The following SYT16 variants were observed in gnomAD, a reference collection of about 807,000 sequenced individuals.
The protein encoded by SYT16 is synaptotagmin-16.
In SYT16, 42 loss-of-function variants were observed where a neutral mutation model predicts 61.4. The ratio of observed to expected loss-of-function variants is 0.68; its 90% CI spans 0.53 to 0.89. SYT16 has a LOEUF of 0.89. Ranked by LOEUF, SYT16 falls within the 40% of genes least tolerant of loss-of-function variation. SYT16 has a pLI of 0.00. For missense variants in SYT16, 804 were observed against 807.3 expected, an observed-to-expected ratio of 1.00 and a Z score of 0.05; for synonymous variants, 314 against 302.3, an observed-to-expected ratio of 1.04 and a Z score of -0.40.
intron 1 of SYT16, among the ~76,000 whole-genome samples, chr14:61,839,313 C>T (rs952931081): frequency 1.3e-5 from 2 of 152,198 alleles, no homozygotes; most frequent in African/African-American, 2.4e-5. Context: ...TGTGAGGACA[C>T]ATCAAGAAGG....
chr14:61,942,863 A>G (rs2050260782), intron 1 of SYT16, among the ~76,000 whole-genome samples: 1 of 152,064 alleles, frequency 6.6e-6, no homozygotes, highest in Non-Finnish European at 1.5e-5. Flanking sequence ...GAAAAACAAC[A>G]TTCTCATAAC....
chr14:62,099,911 C>T (rs2057376939), intron 7 of SYT16, among the ~76,000 whole-genome samples: 1 of 152,102 alleles, frequency 6.6e-6, no homozygotes, highest in Non-Finnish European at 1.5e-5. Flanking sequence ...CTCTCTCACT[C>T]ACACACACAT....
chr14:61,937,595 A>G (rs1470093891), intron 1 of SYT16, among the ~76,000 whole-genome samples: 2 of 152,212 alleles, frequency 1.3e-5, no homozygotes, highest in Non-Finnish European at 2.9e-5. Flanking sequence ...ATGTACAGCC[A>G]CTGTGGATGG....
chr14:62,079,747 AATT>A (rs1245985577), intron 5 of SYT16, among the ~76,000 whole-genome samples: 1 of 152,228 alleles, frequency 6.6e-6, no homozygotes, highest in East Asian at 1.9e-4. Context: ...AGGAAAATAG[AATT>A]ATTATTGACA....
intron 3 of SYT16, among the ~76,000 whole-genome samples, chr14:62,046,850 A>G (rs968235830): frequency 6.6e-6 from 1 of 152,182 alleles, no homozygotes; most frequent in African/African-American, 2.4e-5. Flanking sequence ...TGTTTTGGTT[A>G]CTGTAGCCTT....
intron 1 of SYT16, among the ~76,000 whole-genome samples, chr14:61,813,171 A>T (rs1242943786): frequency 6.6e-6 from 1 of 152,258 alleles, no homozygotes; most frequent in Admixed American, 6.5e-5. Context: ...TGTGAGTTCA[A>T]GGTTCGCCTC....
At chr14:61,866,561 T>C (rs1018003698) in intron 1 of SYT16, among the ~76,000 whole-genome samples, 1 of 152,172 alleles carries the variant, frequency 6.6e-6, no homozygotes, top group Non-Finnish European at 1.5e-5. Flanking sequence ...TTGCCATCTA[T>C]ACCTATTCTT....
chr14:61,970,404 A>C (rs1428959478), intron 2 of SYT16, 93 bp downstream of exon 2: 1 of 152,212 alleles, frequency 6.6e-6, no homozygotes, highest in Non-Finnish European at 1.5e-5. Context: ...TAAAGAATAC[A>C]TTATCTTTAT....
chr14:61,976,029 C>T (rs959637591), intron 2 of SYT16, among the ~76,000 whole-genome samples: 20 of 152,146 alleles, frequency 1.3e-4, no homozygotes, highest in African/African-American at 4.6e-4. Flanking sequence ...GTAAATACAC[C>T]CATTCCAAAT....
At chr14:61,982,390 G>A (rs557242881) in intron 2 of SYT16, among the ~76,000 whole-genome samples, 1 of 152,242 alleles carries the variant, frequency 6.6e-6, no homozygotes, top group East Asian at 1.9e-4. Flanking sequence ...CAATCATGGT[G>A]GAAGGTGAAA....
chr14:62,069,705 G>A lies in SYT16; in HGVS notation c.626G>A (p.Arg209His), dbSNP rs368612700. 4.5e-5 allele frequency: 73 copies of A among 1,613,826 alleles called. No individual in the cohort carries two copies. Among genetic ancestry groups the A allele is most frequent in the African/African-American group, 9.3e-5 (7 of 74,904 alleles). The change falls in exon 4 of 8, where the codon CGT becomes CAT. Residue 209 changes from arginine to histidine, a missense_variant. Arg to His is a conservative substitution (Grantham distance 29). Coordinates refer to ENST00000683842, the MANE Select transcript of SYT16 (RefSeq NM_001367656.1). ...EISVSRSQSF[R>H]SVTSEKGKQT... ...TCCGTGTCCCGGTCCCAGAGTTTCC[G>A]TTCAGTGACATCTGAGAAAGGAAAG... is the stretch of plus-strand genomic sequence containing the variant.
chr14:61,947,248 G>A (rs2050475847), intron 1 of SYT16, among the ~76,000 whole-genome samples: 1 of 146,096 alleles, frequency 6.8e-6, no homozygotes, highest in Non-Finnish European at 1.5e-5. Flanking sequence ...GGATCTTTTG[G>A]CCTCTGACTT....
intron 1 of SYT16, among the ~76,000 whole-genome samples, chr14:61,936,124 A>G: frequency 6.6e-6 from 1 of 152,232 alleles, no homozygotes; most frequent in East Asian, 1.9e-4. Flanking sequence ...GAGCTTATCT[A>G]AATCCCATCT....
chr14:62,043,159 G>C (rs1051445996), intron 3 of SYT16, among the ~76,000 whole-genome samples: 2 of 145,208 alleles, frequency 1.4e-5, no homozygotes, highest in African/African-American at 5.1e-5. Context: ...TTGCTTTCCA[G>C]TTCATGTACT....
chr14:61,946,829 G>A (rs982343249), intron 1 of SYT16, among the ~76,000 whole-genome samples: 2 of 152,120 alleles, frequency 1.3e-5, no homozygotes, highest in African/African-American at 4.8e-5. Context: ...AACTGCAATT[G>A]TTTAGATTAC....
intron 1 of SYT16, among the ~76,000 whole-genome samples, chr14:61,964,066 G>T (rs555112600): frequency 2.1e-4 from 32 of 152,264 alleles, no homozygotes; most frequent in Non-Finnish European, 3.8e-4. Context: ...TCATGCAAGA[G>T]CTCTGATGGA....
intron 7 of SYT16, among the ~76,000 whole-genome samples, chr14:62,093,122 A>G (rs1318303004): frequency 6.6e-6 from 1 of 152,106 alleles, no homozygotes; most frequent in Non-Finnish European, 1.5e-5. Context: ...AAGAAACTAA[A>G]ACAGTTCTAA....
chr14:61,889,747 C>T (rs949014908), intron 1 of SYT16, among the ~76,000 whole-genome samples: 46 of 152,106 alleles, frequency 3.0e-4, no homozygotes, highest in Admixed American at 2.9e-3. Context: ...GGCCCTCCCT[C>T]AATGCACCAT....
intron 1 of SYT16, among the ~76,000 whole-genome samples, chr14:61,934,645 G>A (rs898317012): frequency 6.6e-6 from 1 of 152,216 alleles, no homozygotes; most frequent in African/African-American, 2.4e-5. Context: ...ATGCAGCATA[G>A]TGGGCAGAGA....
Sources: allele counts gnomAD v4.1 joint callset (sites outside exome capture counted in the v4.1 genomes callset), GRCh38; gene constraint gnomAD v4.1.1; transcripts MANE v1.5; gene names NCBI Gene and HGNC (gene_info 2026-07-23, HGNC 2026-07-21).